SPG11: variants seen among roughly 807,000 people sequenced by gnomAD.
SPG11 encodes SPG11 vesicle trafficking associated, spatacsin.
SPG11 carries 222 observed loss-of-function variants against 274.0 expected under a neutral mutation model. The observed-to-expected ratio is 0.81, with a 90% CI of 0.73 to 0.91. SPG11 has a LOEUF of 0.91. SPG11 is among the 40% of genes least tolerant of loss of function. The pLI is 0.00. For synonymous variants in SPG11, 1,144 were observed against 1,039.7 expected (o/e 1.10, Z -1.93); for missense variants, 3,114 against 2,872.7 (o/e 1.08, Z -1.92).
intron 7 of SPG11, among the ~76,000 whole-genome samples, chr15:44,637,541 T>C (rs2084313680): frequency 6.6e-6 from 1 of 152,192 alleles, no homozygotes; most frequent in South Asian, 2.1e-4. Flanking sequence ...CTCAAACTCC[T>C]GGCCTCAAGT....
At position 44,562,871 on chromosome 15, in the gene SPG11, G is replaced by GAAGCTTTTGATCTTAATACTAGTATCTAT; in HGVS notation, c.*221_*249dup. On this transcript the variant is annotated 3_prime_UTR_variant, in exon 40 of 40. Coordinates refer to ENST00000261866, the MANE Select transcript of SPG11 (RefSeq NM_025137.4). Reference sequence around the variant, plus strand: ...AAGTAGAAGCTGTCCTGAGGAAGAGGAAGCTTTTGATCTTAATACTAGTAT... The same window carrying GAAGCTTTTGATCTTAATACTAGTATCTAT: ...AAGTAGAAGCTGTCCTGAGGAAGAGGAAGCTTTTGATCTTAATACTAGTATCTATAAGCTTTTGATCTTAATACTAGTAT... The GAAGCTTTTGATCTTAATACTAGTATCTAT allele has an allele frequency of 2.2e-6, 1 of 461,756 alleles. No homozygotes were observed. The allele number at this position is 461,756 out of a possible 1,614,324, so 28.6% of individuals were successfully genotyped here.
intron 8 of SPG11, among the ~76,000 whole-genome samples, chr15:44,633,118 TGTTTGAGCCCAGGA>T: frequency 6.6e-6 from 1 of 151,376 alleles, no homozygotes; most frequent in East Asian, 1.9e-4. Context: ...GGCAGAGGAT[TGTTTGAGCCCAGGA>T]GTTTGAGACC....
intron 17 of SPG11, 115 bp from the exon 18 acceptor site, chr15:44,611,100 A>C (rs1165555643): frequency 1.2e-6 from 1 of 823,300 alleles, no homozygotes; most frequent in African/African-American, 2.2e-5. Flanking sequence ...GTAAAAAAAA[A>C]AAAAAAAAAA....
chr15:44,658,571 G>T (rs2085006758), intron 3 of SPG11, among the ~76,000 whole-genome samples: 1 of 151,602 alleles, frequency 6.6e-6, no homozygotes, highest in South Asian at 2.1e-4. Context: ...CAATTCTCCT[G>T]CCTCAGCCTC....
At chr15:44,656,898 T>C (rs2084955692) in intron 4 of SPG11, among the ~76,000 whole-genome samples, 197 bp downstream of exon 4, 3 of 152,034 alleles carry the variant, frequency 2.0e-5, no homozygotes, top group African/African-American at 7.3e-5. Flanking sequence ...TTGATGAACA[T>C]GTAAAAATAT....
Position 44,649,029 on chromosome 15 carries a change from G to C in SPG11, c.1457-18C>G, listed in dbSNP as rs1471601558. 6.2e-7 allele frequency: 1 copy of C among 1,603,442 alleles called. No individual in the cohort carries two copies. The highest frequency in any genetic ancestry group is 1.3e-5 in the African/African-American group (1 of 74,620). On this transcript the variant is annotated intron_variant, in intron 6 of 39. Transcript: ENST00000261866. ...TCCATTCTCTATAGGAAAAATAAAA[G>C]TTAGCTTTAACAAATTAGATTAGAT... is the stretch of plus-strand genomic sequence containing the variant.
chr15:44,625,134 CAA>C (rs78780878), intron 11 of SPG11, among the ~76,000 whole-genome samples: 45 of 80,916 alleles, frequency 5.6e-4, no homozygotes, highest in Non-Finnish European at 4.9e-4. Flanking sequence ...AACTCTGTCT[CAA>C]AAAAAAAAAA....
At position 44,651,684 on chromosome 15, in the gene SPG11, T is replaced by C; in HGVS notation, c.1263A>G (p.Gln421=). The C allele has an allele frequency of 1.9e-6, 3 of 1,614,250 alleles. No homozygotes were observed. The highest frequency in any genetic ancestry group is 2.5e-6 in the Non-Finnish European group (3 of 1,180,044). The change falls in exon 6 of 40, where the codon CAA becomes CAG. Residue 421 remains glutamine, a synonymous_variant. Coordinates refer to ENST00000261866, the MANE Select transcript of SPG11 (RefSeq NM_025137.4). ...CACATTTAAGCTCTATGGGTTCCTC[T>C]TGTTCACTGATGTGCATTATTTTCC... ...RSWKIMHISE[Q]EEPIELKCVS... is the part of the protein sequence containing the mutation.
intron 18 of SPG11, 24 bp from the exon 19 acceptor site, chr15:44,608,629 GTT>G (rs2083383604): frequency 6.2e-7 from 1 of 1,610,622 alleles, no homozygotes; most frequent in Admixed American, 1.7e-5. Context: ...CAGATAACAG[GTT>G]GGACAGTAGC....
intron 39 of SPG11, among the ~76,000 whole-genome samples, chr15:44,563,797 T>C (rs2082249375): frequency 6.6e-6 from 1 of 152,166 alleles, no homozygotes; most frequent in African/African-American, 2.4e-5. Flanking sequence ...CACCTTAGGA[T>C]ACTGTATTTT....
intron 1 of SPG11, among the ~76,000 whole-genome samples, chr15:44,661,246 T>C (rs996851962): frequency 1.3e-5 from 2 of 152,154 alleles, no homozygotes; most frequent in African/African-American, 2.4e-5. Context: ...TACTAAACGG[T>C]AGAGTTACGG....
At position 44,648,965 on chromosome 15, in the gene SPG11, A is replaced by C. The variant is rs1060501175; in HGVS notation, c.1503T>G (p.Phe501Leu). 7 of 1,614,110 alleles carry C rather than the reference A, an allele frequency of 4.3e-6. No homozygotes were observed. The highest frequency in any genetic ancestry group is 5.9e-6 in the Non-Finnish European group (7 of 1,179,958). ...TTCCATGGATCATGAGTCTGTTTAA[A>C]AACTCTTCTTGAGTCAAACCAAACA... ...LILFGLTQEE[F>L]LNRLMIHGSA... The change falls in exon 7 of 40, where the codon TTT (phenylalanine) becomes TTG (leucine). Residue 501 changes from phenylalanine to leucine, a missense_variant. Transcript: ENST00000261866.
intron 17 of SPG11, 31 bp from the exon 18 acceptor site, chr15:44,611,016 T>A (rs775031908): frequency 3.2e-6 from 5 of 1,586,348 alleles, no homozygotes; most frequent in Non-Finnish European, 4.3e-6. Flanking sequence ...TTTTTCTCCT[T>A]AAGAGGGATA....
intron 20 of SPG11, among the ~76,000 whole-genome samples, chr15:44,601,840 T>A (rs932193722): frequency 6.6e-6 from 1 of 152,180 alleles, no homozygotes; most frequent in South Asian, 2.1e-4. Flanking sequence ...ATTACAGGCA[T>A]GAGCGTGAGC....
At chr15:44,563,323 A>T (rs1451534280) in intron 39 of SPG11, 22 bp from the exon 40 acceptor site, 14 of 1,603,146 alleles carry the variant, frequency 8.7e-6, no homozygotes, top group Non-Finnish European at 1.2e-5. Flanking sequence ...AACATAATGT[A>T]CAGGTTAAGA....
At chr15:44,633,207 G>A (rs1286091477) in intron 8 of SPG11, among the ~76,000 whole-genome samples, 1 of 151,262 alleles carries the variant, frequency 6.6e-6, no homozygotes, top group Non-Finnish European at 1.5e-5. Flanking sequence ...GCATACACGT[G>A]TAGTCCCAGC....
At chr15:44,624,186 C>T (rs2141032757) in intron 11 of SPG11, among the ~76,000 whole-genome samples, 1 of 149,772 alleles carries the variant, frequency 6.7e-6, no homozygotes, top group Non-Finnish European at 1.5e-5. Context: ...ATTATTTGGC[C>T]TTAAAAAAAA....
chr15:44,575,512 T>G (rs946823111), intron 30 of SPG11, among the ~76,000 whole-genome samples: 1 of 150,420 alleles, frequency 6.6e-6, no homozygotes, highest in Non-Finnish European at 1.5e-5. Context: ...TTTTTTTTTT[T>G]GAGATGGAGT....
Position 44,570,778 on chromosome 15 carries a change from C to T in SPG11, c.6344-120G>A. On this transcript the variant is annotated intron_variant, in intron 33 of 39. Transcript: ENST00000261866. ...AGGGGCCTGTCTGGAGAGGGCCGTC[C>T]CATCAGCCCTCCGAAGTCCCTGAAC... The T allele has an allele frequency of 2.3e-6, 3 of 1,310,038 alleles. No homozygotes were observed. In the South Asian group the frequency reaches 3.9e-5, roughly 17 times the overall value. 81.2% of individuals were successfully genotyped at this position (1,310,038 alleles called of 1,614,324 possible).
Sources: allele counts gnomAD v4.1 joint callset (sites outside exome capture counted in the v4.1 genomes callset), GRCh38; gene constraint gnomAD v4.1.1; transcripts MANE v1.5; gene names NCBI Gene and HGNC (gene_info 2026-07-23, HGNC 2026-07-21).